The following TBXAS1 variants were observed in gnomAD, a reference collection of about 807,000 sequenced individuals.
TBXAS1 encodes the protein thromboxane-A synthase.
Under a neutral mutation model 60.7 loss-of-function variants are expected in TBXAS1, and 48 were observed. The ratio of observed to expected loss-of-function variants is 0.79; its 90% confidence interval spans 0.63 to 1.01. TBXAS1 has a LOEUF of 1.01. Among genes scored for constraint, TBXAS1 ranks in the 50% least tolerant of loss-of-function variants. The probability of loss-of-function intolerance (pLI) is 0.00; values close to 1 mark genes in which losing one functional copy is unlikely to be tolerated. For synonymous variants in TBXAS1, 287 were observed against 269.7 expected (o/e 1.06, Z -0.63); for missense variants, 685 against 686.3 (o/e 1.00, Z 0.02).
chr7:139,924,635 T>C (rs184655108), intron 4 of TBXAS1, among the ~76,000 whole-genome samples: 1 of 152,344 alleles, frequency 6.6e-6, no homozygotes, highest in African/African-American at 2.4e-5. Flanking sequence ...TTGTTTCCTT[T>C]GCTGTGCAGA....
At chr7:139,796,836 C>T (rs1008784977) in intron 4 of TBXAS1, among the ~76,000 whole-genome samples, 2 of 152,108 alleles carry the variant, frequency 1.3e-5, no homozygotes, top group African/African-American at 4.8e-5. Flanking sequence ...GAGAAGTTTC[C>T]GATTTTGGCT....
rs764689349 is a variant in TBXAS1, at chr7:139,953,427, G to A, written c.510G>A (p.Ala170=). ...TCCTGGCTCATTTAAAACGCTATGC[G>A]GAATCTGGGGACGCATTTGACATCC... ...DLLLAHLKRY[A]ESGDAFDIQR... Residue 170 remains alanine, a synonymous_variant, in exon 6 of 13, where the codon GCG becomes GCA. Coordinates refer to ENST00000448866, the MANE Select transcript of TBXAS1 (RefSeq NM_001061.7). 41 of 1,614,032 alleles carry A rather than the reference G, an allele frequency of 2.5e-5. No homozygotes were observed. The highest frequency in any genetic ancestry group is 3.0e-5 in the Non-Finnish European group (35 of 1,180,028).
At position 139,955,444 on chromosome 7, in the gene TBXAS1, T is replaced by G; in HGVS notation, c.540-15T>G. 1 of 1,614,146 alleles carries G rather than the reference T, an allele frequency of 6.2e-7. No individual in the cohort carries two copies. The highest frequency in any genetic ancestry group is 8.5e-7 in the Non-Finnish European group (1 of 1,180,024). On this transcript the variant is annotated splice_polypyrimidine_tract_variant and intron_variant, in intron 6 of 12. Transcript: ENST00000448866. Reference sequence around the variant, plus strand: ...CCAGAGTCCTTTCAGATCTCTGTGCTCCCATCTCCCGTAGGTGCTACTGCA... The same window carrying G: ...CCAGAGTCCTTTCAGATCTCTGTGCGCCCATCTCCCGTAGGTGCTACTGCA...
At chr7:139,822,324 T>C (rs1450389453) in intron 4 of TBXAS1, among the ~76,000 whole-genome samples, 3 of 152,174 alleles carry the variant, frequency 2.0e-5, no homozygotes, top group Non-Finnish European at 4.4e-5. Context: ...CTCTTTGGTA[T>C]TGCCCTGTAA....
At chr7:139,791,958 A>G (rs932290503) in intron 4 of TBXAS1, among the ~76,000 whole-genome samples, 11 of 151,994 alleles carry the variant, frequency 7.2e-5, no homozygotes, top group African/African-American at 2.7e-4. Flanking sequence ...CCACACTGTT[A>G]TATTTTTTTC....
At chr7:139,788,069 G>A (rs1375706026) in intron 4 of TBXAS1, among the ~76,000 whole-genome samples, 1 of 152,216 alleles carries the variant, frequency 6.6e-6, no homozygotes, top group Non-Finnish European at 1.5e-5. Flanking sequence ...TGCAACAATT[G>A]TCAATCTGAT....
intron 5 of TBXAS1, among the ~76,000 whole-genome samples, chr7:139,940,319 C>G (rs1808188103): frequency 6.6e-6 from 1 of 152,178 alleles, no homozygotes; most frequent in Non-Finnish European, 1.5e-5. Context: ...GATGCTTCCT[C>G]AAACTTTAAT....
intron 1 of TBXAS1, among the ~76,000 whole-genome samples, chr7:139,865,870 G>A (rs1197524704): frequency 1.6e-5 from 2 of 125,406 alleles, no homozygotes; most frequent in Non-Finnish European, 3.4e-5. Context: ...GAGGAAGGAA[G>A]GAGGGAGGGA....
At chr7:139,911,586 G>A (rs955120392) in intron 4 of TBXAS1, among the ~76,000 whole-genome samples, 1 of 152,162 alleles carries the variant, frequency 6.6e-6, no homozygotes, top group Non-Finnish European at 1.5e-5. Flanking sequence ...AAACCAAGAG[G>A]GTTTTCTAAA....
At chr7:139,930,298 T>C (rs1192054633) in intron 4 of TBXAS1, among the ~76,000 whole-genome samples, 2 of 152,232 alleles carry the variant, frequency 1.3e-5, no homozygotes, top group African/African-American at 4.8e-5. Flanking sequence ...GCAAGCTCTG[T>C]GAGGACACGG....
chr7:140,009,337 T>G (rs1366263600), intron 10 of TBXAS1, among the ~76,000 whole-genome samples: 2 of 152,170 alleles, frequency 1.3e-5, no homozygotes, highest in Non-Finnish European at 2.9e-5. Context: ...GTGAGCCTCA[T>G]GCTGCTCCGT....
At chr7:139,960,266 G>A (rs578148695) in intron 8 of TBXAS1, among the ~76,000 whole-genome samples, 6 of 152,230 alleles carry the variant, frequency 3.9e-5, no homozygotes, top group East Asian at 3.9e-4. Flanking sequence ...CAAGACTCCC[G>A]CTCTAAAGAG....
chr7:139,922,382 G>C (rs986299025), intron 4 of TBXAS1, among the ~76,000 whole-genome samples: 4 of 151,510 alleles, frequency 2.6e-5, no homozygotes, highest in Admixed American at 2.6e-4. Flanking sequence ...GATTATAGGC[G>C]TGAGCCACCG....
At chr7:139,920,372 CCTT>C (rs1468774703) in intron 4 of TBXAS1, among the ~76,000 whole-genome samples, 1 of 152,242 alleles carries the variant, frequency 6.6e-6, no homozygotes, top group African/African-American at 2.4e-5. Flanking sequence ...TCTCTGCTCA[CCTT>C]CTCCTTCCTG....
upstream of TBXAS1, among the ~76,000 whole-genome samples, chr7:139,827,745 A>G (rs973353671): frequency 6.6e-6 from 1 of 152,186 alleles, no homozygotes; most frequent in African/African-American, 2.4e-5. Context: ...TATGGTGCTT[A>G]GTTTCACTGG....
chr7:139,862,884 A>G (rs116221655), intron 1 of TBXAS1, among the ~76,000 whole-genome samples: 2 of 152,176 alleles, frequency 1.3e-5, no homozygotes, highest in African/African-American at 4.8e-5. Flanking sequence ...ACATGTTCTC[A>G]TGTTGTGCTT....
In TBXAS1 at chr7:139,886,016, G is replaced by A. The variant is rs554233128; in HGVS notation, c.236+10379G>A. ...AGGATCTTTAAATCTTTTAAAGTTT[G>A]GGTTGTTTACTATGCATTCTAATTA... On this transcript the variant is annotated intron_variant, in intron 3 of 12. Transcript: ENST00000448866. Among the ~76,000 whole-genome samples, 6 of 152,204 alleles carry A rather than the reference G, an allele frequency of 3.9e-5. No individual in the cohort carries two copies. The East Asian group carries it at 1.2e-3, about 29-fold the overall frequency.
chr7:139,965,677 A>G (rs1810730639), intron 9 of TBXAS1, among the ~76,000 whole-genome samples: 2 of 152,128 alleles, frequency 1.3e-5, no homozygotes, highest in African/African-American at 4.8e-5. Flanking sequence ...TAAGCCATGC[A>G]AGCCACAAGG....
intron 12 of TBXAS1, 33 bp downstream of exon 12, chr7:140,017,866 G>C (rs777514256): frequency 6.2e-7 from 1 of 1,613,940 alleles, no homozygotes; most frequent in South Asian, 1.1e-5. Flanking sequence ...CAGGGGCAGG[G>C]GCAGGGGTGG....
Sources: gnomAD v4.1 joint callset for allele counts (sites outside exome capture counted in the v4.1 genomes callset) on GRCh38, gnomAD v4.1.1 for gene constraint, MANE v1.5 for transcripts, NCBI Gene and HGNC (gene_info 2026-07-23, HGNC 2026-07-21) for gene names.